NHS: variants seen among roughly 807,000 people sequenced by gnomAD.
NHS encodes the protein NHS actin remodeling regulator, also known as actin remodeling regulator NHS.
In NHS, 5 loss-of-function variants were observed where a neutral mutation model predicts 72.5. The observed-to-expected ratio is 0.07, with a 90% CI of 0.04 to 0.14. The LOEUF (loss-of-function observed/expected upper bound fraction) is 0.14, where lower values mean the gene tolerates loss of function less well. Ranked by LOEUF, NHS falls within the 10% of genes least tolerant of loss-of-function variation. The probability of loss-of-function intolerance (pLI) is 1.00; values close to 1 mark genes in which losing one functional copy is unlikely to be tolerated. For missense variants in NHS, 1,072 were observed against 1,355.7 expected, an observed-to-expected ratio of 0.79 and a Z score of 3.29; for synonymous variants, 464 against 547.7, an observed-to-expected ratio of 0.85 and a Z score of 2.13.
chrX:17,536,392 A>G (rs1246405692), intron 1 of NHS, among the ~76,000 whole-genome samples: 2 of 112,095 alleles, frequency 1.8e-5, no homozygotes, highest in Non-Finnish European at 3.8e-5. Context: ...AAACAAACAA[A>G]AAACTTGCAT....
intron 1 of NHS, among the ~76,000 whole-genome samples, chrX:17,622,874 C>T (rs1018958016): frequency 1.8e-5 from 2 of 110,822 alleles, no homozygotes; most frequent in African/African-American, 6.6e-5. Context: ...GCTCCACGGG[C>T]GGGCCAATGC....
chrX:17,674,727 T>C (rs1569306171), intron 1 of NHS, among the ~76,000 whole-genome samples: 1 of 112,058 alleles, frequency 8.9e-6, no homozygotes, highest in Non-Finnish European at 1.9e-5. Context: ...CCAACATATG[T>C]GTTTGATCTC....
intron 1 of NHS, among the ~76,000 whole-genome samples, chrX:17,487,755 T>C (rs906938813): frequency 1.8e-5 from 2 of 111,754 alleles, no homozygotes; most frequent in Non-Finnish European, 3.8e-5. Flanking sequence ...TCTCCTGAAC[T>C]CTGGTAGAAA....
intron 3 of NHS, among the ~76,000 whole-genome samples, chrX:17,712,393 C>CACACATAT (rs1301774080): frequency 7.4e-5 from 6 of 81,438 alleles, no homozygotes; most frequent in African/African-American, 1.6e-4. Flanking sequence ...CACACACACA[C>CACACATAT]ATATATATAT....
intron 1 of NHS, among the ~76,000 whole-genome samples, chrX:17,396,611 A>G (rs899332364): frequency 8.9e-6 from 1 of 111,868 alleles, no homozygotes. Context: ...TGAAAATTTG[A>G]AAAATGGTAT....
At chrX:17,461,994 G>A in intron 1 of NHS, among the ~76,000 whole-genome samples, 1 of 110,891 alleles carries the variant, frequency 9.0e-6, no homozygotes, top group Admixed American at 9.7e-5. Flanking sequence ...TTTGCTAATG[G>A]CCCATTGTCC....
intron 1 of NHS, among the ~76,000 whole-genome samples, chrX:17,615,282 T>C (rs1158089148): frequency 1.1e-5 from 1 of 93,288 alleles, no homozygotes; most frequent in Non-Finnish European, 2.0e-5. Flanking sequence ...ATATATGGTC[T>C]CACTCTGTTG....
intron 1 of NHS, among the ~76,000 whole-genome samples, chrX:17,427,896 AT>A (rs765948213): frequency 2.7e-5 from 3 of 112,559 alleles, no homozygotes; most frequent in Admixed American, 1.9e-4. Flanking sequence ...CACATTGTGT[AT>A]TCTCACAGCT....
chrX:17,576,982 G>C (rs990894686), intron 1 of NHS, among the ~76,000 whole-genome samples: 1 of 111,768 alleles, frequency 8.9e-6, no homozygotes, highest in Admixed American at 9.5e-5. Flanking sequence ...TGCCCTAAAG[G>C]TTATCTGGTG....
chrX:17,505,212 A>G (rs1267125706), intron 1 of NHS, among the ~76,000 whole-genome samples: 1 of 111,740 alleles, frequency 8.9e-6, no homozygotes, highest in Non-Finnish European at 1.9e-5. Context: ...CCAGTACCCA[A>G]TGACAGATGT....
chrX:17,464,058 G>C (rs780818368), intron 1 of NHS, among the ~76,000 whole-genome samples: 3 of 111,889 alleles, frequency 2.7e-5, no homozygotes, highest in Non-Finnish European at 5.6e-5. Context: ...AATTAGAGTT[G>C]TATTTTTAGG....
intron 1 of NHS, among the ~76,000 whole-genome samples, chrX:17,457,605 A>G (rs753266870): frequency 8.9e-6 from 1 of 111,781 alleles, no homozygotes; most frequent in Admixed American, 9.5e-5. Flanking sequence ...GCTTTGGAGG[A>G]AACAAATATC....
At chrX:17,651,087 T>C (rs913778927) in intron 1 of NHS, among the ~76,000 whole-genome samples, 1 of 111,936 alleles carries the variant, frequency 8.9e-6, no homozygotes, top group African/African-American at 3.2e-5. Context: ...GTGAAAAGAG[T>C]TTCCCAAGGC....
At chrX:17,494,918 C>G (rs1009332575) in intron 1 of NHS, among the ~76,000 whole-genome samples, 53 of 112,199 alleles carry the variant, frequency 4.7e-4, no homozygotes, top group African/African-American at 1.7e-3. Flanking sequence ...CTGATGGTCA[C>G]AATCACTTCT....
chrX:17,463,641 G>C (rs138527838), intron 1 of NHS, among the ~76,000 whole-genome samples: 42 of 111,454 alleles, frequency 3.8e-4, no homozygotes, highest in Middle Eastern at 9.3e-3. Context: ...CAAGGGAAAG[G>C]TTCCCTTTTG....
chrX:17,402,774 T>C (rs1322152014), intron 1 of NHS, among the ~76,000 whole-genome samples: 1 of 111,692 alleles, frequency 9.0e-6, no homozygotes, highest in African/African-American at 3.3e-5. Flanking sequence ...ATTACACATT[T>C]TAAAGAGTGA....
At chrX:17,409,582 T>C (rs762333259) in intron 1 of NHS, among the ~76,000 whole-genome samples, 1 of 111,384 alleles carries the variant, frequency 9.0e-6, no homozygotes, top group Non-Finnish European at 1.9e-5. Flanking sequence ...CTACGCTACA[T>C]GTCTAAGGGG....
At chrX:17,532,726 TA>T (rs1420898633) in intron 1 of NHS, among the ~76,000 whole-genome samples, 2 of 111,340 alleles carry the variant, frequency 1.8e-5, no homozygotes, top group African/African-American at 6.5e-5. Context: ...CTAACTGGCA[TA>T]TAATCAGGGC....
At chrX:17,720,685 T>C (rs187144998) in intron 4 of NHS, among the ~76,000 whole-genome samples, 1 of 112,293 alleles carries the variant, frequency 8.9e-6, no homozygotes, top group East Asian at 2.8e-4. Flanking sequence ...AGCCCCTAAC[T>C]ATACAGCTGG....
Sources: gnomAD v4.1 joint callset for allele counts (sites outside exome capture counted in the v4.1 genomes callset) on GRCh38, gnomAD v4.1.1 for gene constraint, MANE v1.5 for transcripts, NCBI Gene and HGNC (gene_info 2026-07-23, HGNC 2026-07-21) for gene names.